The following CCT4 variants were observed in gnomAD, a reference collection of about 807,000 sequenced individuals.
CCT4 encodes the protein chaperonin containing TCP1 subunit 4, also known as T-complex protein 1 subunit delta.
CCT4 carries 17 observed loss-of-function variants against 62.5 expected under a neutral mutation model. The observed-to-expected ratio is 0.27, with a 90% CI of 0.19 to 0.41. The LOEUF (loss-of-function observed/expected upper bound fraction) is 0.41, where lower values mean the gene tolerates loss of function less well. CCT4 is among the 10% of genes least tolerant of loss of function. CCT4 has a pLI of 1.00. For synonymous variants in CCT4, 250 were observed against 229.9 expected (o/e 1.09, Z -0.79); for missense variants, 592 against 659.2 (o/e 0.90, Z 1.12).
At position 61,883,773 on chromosome 2, in the gene CCT4, GACACACACACACACAC is replaced by G. The variant is rs59031193; in HGVS notation, c.181-241_181-226del. 7.7e-3 allele frequency among the ~76,000 whole-genome samples: 1,113 copies of G among 143,936 alleles called. 11 individuals carry two copies. The highest frequency in any genetic ancestry group is 0.026 in the African/African-American group (1,036 of 39,150). The allele number at this position is 143,936 out of a possible 152,430, so 94.4% of individuals were successfully genotyped here. ...GGTAATCTAAAAGTGAAGAAATGTAGACACACACACACACACACACACACACACACACACACACACA... is the reference window on the plus strand; with the variant it reads ...GGTAATCTAAAAGTGAAGAAATGTAGACACACACACACACACACACACACA... On this transcript the variant is annotated intron_variant, in intron 2 of 13. Coordinates refer to ENST00000394440, the MANE Select transcript of CCT4 (RefSeq NM_006430.4).
At chr2:61,880,426 T>A in intron 3 of CCT4, 32 bp from the exon 4 acceptor site, 1 of 1,270,100 alleles carries the variant, frequency 7.9e-7, no homozygotes, top group Non-Finnish European at 1.1e-6. Flanking sequence ...AGTTGCTCAA[T>A]GAGAAATGAC....
chr2:61,884,273 C>G (rs1392317893), intron 2 of CCT4, among the ~76,000 whole-genome samples: 1 of 152,126 alleles, frequency 6.6e-6, no homozygotes, highest in Non-Finnish European at 1.5e-5. Flanking sequence ...GTAACCTCTC[C>G]TTCCTCTGAA....
At chr2:61,877,346 A>AT (rs1464408686) in intron 6 of CCT4, 47 bp downstream of exon 6, 1 of 1,565,138 alleles carries the variant, frequency 6.4e-7, no homozygotes, top group East Asian at 2.2e-5. Context: ...TGGCAATCTG[A>AT]TGCTCATTTT....
intron 1 of CCT4, among the ~76,000 whole-genome samples, chr2:61,885,284 G>A (rs750010707): frequency 1.3e-5 from 2 of 151,916 alleles, no homozygotes. Flanking sequence ...GTTCTTATTA[G>A]GATATAGTGC....
chr2:61,873,109 T>A lies in CCT4; in HGVS notation c.1018A>T (p.Ile340Phe). ...REDIEFICKT[I>F]GTKPVAHIDQ... ...ATATGAGCAACTGGCTTGGTTCCAA[T>A]TGTCTGGAAAAAACAGTCAAATCCA... Residue 340 changes from isoleucine (I) to phenylalanine (F), a missense_variant, in exon 10 of 14, where the codon ATT becomes TTT. Around this residue, in one of 3 missense-constraint regions of CCT4, gnomAD observed 522 missense variants for 571.2 expected, o/e 0.91. Coordinates refer to ENST00000394440, the MANE Select transcript of CCT4 (RefSeq NM_006430.4). 1 of 1,600,000 alleles carries A rather than the reference T, an allele frequency of 6.3e-7. No homozygotes were observed. The highest frequency in any genetic ancestry group is 8.6e-7 in the Non-Finnish European group (1 of 1,167,170).
At chr2:61,880,434 G>T in intron 3 of CCT4, 40 bp from the exon 4 acceptor site, 1 of 1,119,484 alleles carries the variant, frequency 8.9e-7, no homozygotes, top group Non-Finnish European at 1.3e-6. Flanking sequence ...AATGAGAAAT[G>T]ACAGAACCCA....
intron 1 of CCT4, 92 bp downstream of exon 1, chr2:61,888,289 G>A (rs534410649): frequency 3.7e-5 from 53 of 1,441,516 alleles, no homozygotes; most frequent in East Asian, 2.5e-4. Context: ...ATCACCCGAA[G>A]AAATGGGAAA....
Position 61,883,773 on chromosome 2 carries a change from GACACACACACACACACACAC to G in CCT4, c.181-245_181-226del, listed in dbSNP as rs59031193. Among the ~76,000 whole-genome samples the G allele has an allele frequency of 8.5e-4, 122 of 143,940 alleles. 1 individual carries two copies. Among genetic ancestry groups the G allele is most frequent in the African/African-American group, 2.8e-3 (111 of 39,154 alleles). The allele number at this position is 143,940 out of a possible 152,430, so 94.4% of individuals were successfully genotyped here. On this transcript the variant is annotated intron_variant, in intron 2 of 13. Coordinates refer to ENST00000394440, the MANE Select transcript of CCT4 (RefSeq NM_006430.4). ...GGTAATCTAAAAGTGAAGAAATGTAGACACACACACACACACACACACACACACACACACACACACACAAA... is the reference window on the plus strand; with the variant it reads ...GGTAATCTAAAAGTGAAGAAATGTAGACACACACACACACACACACACAAA...
At chr2:61,884,710 C>G (rs768430905) in intron 2 of CCT4, among the ~76,000 whole-genome samples, 2 of 151,948 alleles carry the variant, frequency 1.3e-5, no homozygotes, top group Non-Finnish European at 2.9e-5. Flanking sequence ...CTCACCGCAA[C>G]CTCTGCCTCC....
chr2:61,876,820 G>A, intron 7 of CCT4, 100 bp downstream of exon 7: 1 of 1,017,280 alleles, frequency 9.8e-7, no homozygotes, highest in South Asian at 1.7e-5. Context: ...TTTGAGATCT[G>A]CTTTAAATCA....
chr2:61,877,563 T>TTA (rs1214251736), intron 5 of CCT4, 49 bp from the exon 6 acceptor site: 1 of 1,386,918 alleles, frequency 7.2e-7, no homozygotes, highest in Non-Finnish European at 9.7e-7. Context: ...TAGAAAAAAG[T>TTA]CCTAATTTTT....
intron 8 of CCT4, among the ~76,000 whole-genome samples, chr2:61,875,520 T>C (rs1668978526): frequency 1.3e-5 from 2 of 149,850 alleles, no homozygotes; most frequent in Admixed American, 6.7e-5. Flanking sequence ...GAGGCGGAGG[T>C]TGCAGTGAGC....
rs1377405486 is a variant in CCT4, at chr2:61,880,330, A to G, written c.335T>C (p.Ile112Thr). The G allele has an allele frequency of 1.9e-6, 3 of 1,607,022 alleles. No homozygotes were observed. Among genetic ancestry groups the G allele is most frequent in the Admixed American group, 3.4e-5 (2 of 58,006 alleles). Residue 112 changes from isoleucine to threonine, a missense_variant, in exon 4 of 14, where the codon ATT becomes ACT. This residue lies in a region of CCT4 where 522 missense variants were observed against 571.2 expected (regional missense o/e 0.91). Coordinates refer to ENST00000394440, the MANE Select transcript of CCT4 (RefSeq NM_006430.4). ...AGDGTTSVVI[I>T]AGSLLDSCTK... The stretch of plus-strand genomic sequence containing the variant: ...ACAAGAATCTAAGAGGGAGCCAGCA[A>G]TGATGACTACTGATGTGGTGCCATC...
intron 12 of CCT4, among the ~76,000 whole-genome samples, chr2:61,870,780 G>A (rs1480169056): frequency 3.9e-5 from 6 of 152,006 alleles, no homozygotes; most frequent in Admixed American, 2.6e-4. Context: ...AAATTAGCCC[G>A]GCCTGGTGGT....
At chr2:61,875,568 G>C (rs1347026935) in intron 8 of CCT4, among the ~76,000 whole-genome samples, 2 of 133,460 alleles carry the variant, frequency 1.5e-5, no homozygotes, top group African/African-American at 5.7e-5. Context: ...GGATGACAGA[G>C]TGAGACTCTG....
Position 61,876,102 on chromosome 2 carries a change from T to C in CCT4, c.910A>G (p.Ile304Val). The C allele has an allele frequency of 1.2e-6, 2 of 1,602,060 alleles. No homozygotes were observed. The highest frequency in any genetic ancestry group is 1.7e-6 in the Non-Finnish European group (2 of 1,170,272). The change falls in exon 8 of 14, where the codon ATT becomes GTT. Residue 304 changes from isoleucine (I) to valine (V), a missense_variant. Ile to Val is a conservative substitution (Grantham distance 29, BLOSUM62 3). Around this residue, in one of 3 missense-constraint regions of CCT4, gnomAD observed 522 missense variants for 571.2 expected, o/e 0.91. Coordinates refer to ENST00000394440, the MANE Select transcript of CCT4 (RefSeq NM_006430.4). ...AAATAAATAGCCCCACACCTTAGAA[T>C]AGATTTCTGTATGAGAAGGACATTA... ...GCNVLLIQKS[I>V]LRDALSDLAL...
chr2:61,886,846 G>A (rs765589142), intron 1 of CCT4, among the ~76,000 whole-genome samples: 2 of 151,310 alleles, frequency 1.3e-5, no homozygotes, highest in Admixed American at 6.6e-5. Flanking sequence ...GGCAACCTCC[G>A]CCTCCCAGGT....
intron 1 of CCT4, among the ~76,000 whole-genome samples, chr2:61,886,995 G>C (rs1218754453): frequency 6.6e-6 from 1 of 152,134 alleles, no homozygotes; most frequent in Non-Finnish European, 1.5e-5. Context: ...CTGACCTCAT[G>C]TGATCCGCCA....
At chr2:61,879,428 A>AT (rs1280771841) in intron 4 of CCT4, among the ~76,000 whole-genome samples, 13 of 138,746 alleles carry the variant, frequency 9.4e-5, no homozygotes, top group African/African-American at 3.0e-4. Flanking sequence ...CACCCGGCTA[A>AT]TTTTTTTTGT....
Sources: gnomAD v4.1 joint callset for allele counts (sites outside exome capture counted in the v4.1 genomes callset) on GRCh38, gnomAD v4.1.1 for gene constraint, gnomAD v4.1.1 regional missense constraint, MANE v1.5 for transcripts, NCBI Gene and HGNC (gene_info 2026-07-23, HGNC 2026-07-21) for gene names.